USP34: variants seen among roughly 807,000 people sequenced by gnomAD.
The protein encoded by USP34 is ubiquitin carboxyl-terminal hydrolase 34.
Under a neutral mutation model 460.3 loss-of-function variants are expected in USP34, and 70 were observed. That is an observed-to-expected ratio of 0.15 (90% CI 0.13 to 0.19). USP34 has a LOEUF of 0.19. Among genes scored for constraint, USP34 ranks in the 10% least tolerant of loss-of-function variants. The probability of loss-of-function intolerance (pLI) is 1.00; values close to 1 mark genes in which losing one functional copy is unlikely to be tolerated. For missense variants in USP34, 3,985 were observed against 4,236.2 expected (o/e 0.94, Z 1.65); for synonymous variants, 1,647 against 1,405.3 (o/e 1.17, Z -3.85).
At chr2:61,440,752 A>G (rs1408666422) in intron 1 of USP34, among the ~76,000 whole-genome samples, 1 of 151,738 alleles carries the variant, frequency 6.6e-6, no homozygotes, top group East Asian at 2.0e-4. Context: ...TCCTGACCTC[A>G]GGCAATCCGC....
At chr2:61,399,232 A>T (rs1263469739) in intron 3 of USP34, among the ~76,000 whole-genome samples, 3 of 151,860 alleles carry the variant, frequency 2.0e-5, no homozygotes, top group African/African-American at 7.3e-5. Context: ...CCAGCTACTC[A>T]GGAGGTTTCA....
intron 10 of USP34, among the ~76,000 whole-genome samples, chr2:61,369,024 C>G (rs1172856938): frequency 6.6e-6 from 1 of 151,988 alleles, no homozygotes; most frequent in African/African-American, 2.4e-5. Context: ...AAAATATGAA[C>G]AATTCCAGAA....
At chr2:61,384,814 T>C (rs1459962160) in intron 5 of USP34, among the ~76,000 whole-genome samples, 3 of 152,118 alleles carry the variant, frequency 2.0e-5, no homozygotes. Flanking sequence ...CTTTGCCTCC[T>C]GAGACTAGGA....
intron 5 of USP34, among the ~76,000 whole-genome samples, chr2:61,385,990 C>G: frequency 8.0e-6 from 1 of 125,610 alleles, no homozygotes; most frequent in South Asian, 2.6e-4. Context: ...AAGTGAGACT[C>G]TGTCTCCAAA....
intron 3 of USP34, among the ~76,000 whole-genome samples, chr2:61,400,577 G>A (rs867852370): frequency 2.0e-5 from 3 of 152,232 alleles, no homozygotes; most frequent in South Asian, 2.1e-4. Context: ...TTGACTGGGC[G>A]TGGCAGCTCA....
chr2:61,293,569 G>A lies in USP34; in HGVS notation c.4462-19C>T. Reference sequence around the variant, plus strand: ...CAACAAACTGTAGGCAATTGTGAAAGTAATAGTAAGAGAAAAGCAGATATA... The same window carrying A: ...CAACAAACTGTAGGCAATTGTGAAAATAATAGTAAGAGAAAAGCAGATATA... On this transcript the variant is annotated intron_variant, in intron 32 of 79. Coordinates refer to ENST00000398571, the MANE Select transcript of USP34 (RefSeq NM_014709.4). The A allele has an allele frequency of 6.3e-7, 1 of 1,592,580 alleles. No homozygotes were observed. Among genetic ancestry groups the A allele is most frequent in the Non-Finnish European group, 8.6e-7 (1 of 1,163,386 alleles).
intron 20 of USP34, 149 bp from the exon 21 acceptor site, chr2:61,325,606 T>G: frequency 2.3e-6 from 1 of 444,078 alleles, no homozygotes; most frequent in Non-Finnish European, 3.9e-6. Context: ...ACGAAAGAAG[T>G]TCATAAAGGC....
At chr2:61,404,473 C>T (rs1187816917) in intron 3 of USP34, among the ~76,000 whole-genome samples, 1 of 152,152 alleles carries the variant, frequency 6.6e-6, no homozygotes, top group Admixed American at 6.6e-5. Context: ...TAGAATATGG[C>T]AGAATTATAC....
At chr2:61,462,637 G>A (rs1573070099) in intron 1 of USP34, among the ~76,000 whole-genome samples, 1 of 147,124 alleles carries the variant, frequency 6.8e-6, no homozygotes, top group Admixed American at 6.7e-5. Context: ...GAGGCAAGCG[G>A]ATCACTTGAG....
At chr2:61,407,371 A>AG (rs1693906479) in intron 2 of USP34, among the ~76,000 whole-genome samples, 1 of 152,242 alleles carries the variant, frequency 6.6e-6, no homozygotes, top group Admixed American at 6.5e-5. Context: ...AAAAAAAGGC[A>AG]GGGAACGGTC....
chr2:61,343,198 C>T (rs1313890250), intron 16 of USP34, among the ~76,000 whole-genome samples: 1 of 152,174 alleles, frequency 6.6e-6, no homozygotes, highest in East Asian at 1.9e-4. Context: ...GGCCTTTAAA[C>T]TGCCAATTCT....
intron 1 of USP34, among the ~76,000 whole-genome samples, chr2:61,462,556 A>G (rs1695635269): frequency 6.6e-6 from 1 of 150,930 alleles, no homozygotes; most frequent in Non-Finnish European, 1.5e-5. Context: ...CTCCAAAAAA[A>G]AAAAAAAAAT....
intron 1 of USP34, among the ~76,000 whole-genome samples, chr2:61,433,017 A>T (rs971064195): frequency 2.6e-5 from 4 of 152,210 alleles, no homozygotes; most frequent in Non-Finnish European, 5.9e-5. Context: ...GAAGAATATT[A>T]AAAAAAGAAT....
intron 1 of USP34, among the ~76,000 whole-genome samples, chr2:61,442,375 G>A (rs1209314474): frequency 7.8e-5 from 9 of 115,416 alleles, no homozygotes; most frequent in African/African-American, 2.6e-4. Flanking sequence ...TTAACATCAA[G>A]AATTTACAAG....
chr2:61,204,106 G>T, intron 74 of USP34, 150 bp downstream of exon 74: 2 of 1,057,922 alleles, frequency 1.9e-6, no homozygotes, highest in Non-Finnish European at 2.7e-6. Context: ...ACATTTCAGA[G>T]CACTAAAAGG....
intron 68 of USP34, among the ~76,000 whole-genome samples, 180 bp from the exon 69 acceptor site, chr2:61,212,109 A>T (rs574389543): frequency 6.6e-6 from 1 of 152,354 alleles, no homozygotes; most frequent in African/African-American, 2.4e-5. Context: ...GGCTGGGCGC[A>T]GTGGCTGATG....
intron 33 of USP34, among the ~76,000 whole-genome samples, chr2:61,291,946 A>T (rs1689866468): frequency 2.0e-5 from 3 of 152,216 alleles, no homozygotes; most frequent in African/African-American, 7.2e-5. Flanking sequence ...GCTAAGTGAA[A>T]GAAACCAGTC....
chr2:61,395,573 C>G (rs915816440), intron 3 of USP34, among the ~76,000 whole-genome samples: 1 of 148,010 alleles, frequency 6.8e-6, no homozygotes, highest in South Asian at 2.1e-4. Flanking sequence ...CCGAGGCGGG[C>G]GGATCACGAG....
chr2:61,298,942 T>C (rs1203062616), intron 29 of USP34, among the ~76,000 whole-genome samples: 1 of 152,086 alleles, frequency 6.6e-6, no homozygotes. Flanking sequence ...CTCTTAACAG[T>C]AGCTGGACCC....
Sources: allele counts gnomAD v4.1 joint callset (sites outside exome capture counted in the v4.1 genomes callset), GRCh38; gene constraint gnomAD v4.1.1; transcripts MANE v1.5; gene names NCBI Gene and HGNC (gene_info 2026-07-23, HGNC 2026-07-21).